Variants in PCDHAC1 observed in about 807,000 individuals in gnomAD.
PCDHAC1 encodes protocadherin alpha subfamily C, 1, also known as protocadherin alpha-C1.
Under a neutral mutation model 60.0 loss-of-function variants are expected in PCDHAC1, and 42 were observed. That is an observed-to-expected ratio of 0.70 (90% CI 0.55 to 0.90). The LOEUF is 0.90. PCDHAC1 is among the 40% of genes least tolerant of loss of function. The pLI, the probability that PCDHAC1 is intolerant of heterozygous loss-of-function variation, is 0.00. For synonymous variants in PCDHAC1, 468 were observed against 499.3 expected (o/e 0.94, Z 0.84); for missense variants, 1,160 against 1,222.3 (o/e 0.95, Z 0.76).
intron 3 of PCDHAC1, among the ~76,000 whole-genome samples, chr5:140,983,328 T>G (rs1214241110): frequency 6.6e-6 from 1 of 152,218 alleles, no homozygotes; most frequent in East Asian, 1.9e-4. Flanking sequence ...ATTCTTGCCC[T>G]ATCACTAAAG....
chr5:140,998,965 G>C (rs1320225650), intron 3 of PCDHAC1, among the ~76,000 whole-genome samples: 1 of 152,232 alleles, frequency 6.6e-6, no homozygotes, highest in Non-Finnish European at 1.5e-5. Context: ...TAATCAAATA[G>C]TATCCTAGAA....
chr5:140,967,555 C>T, intron 1 of PCDHAC1: 4 of 1,614,008 alleles, frequency 2.5e-6, no homozygotes, highest in Non-Finnish European at 3.4e-6. Flanking sequence ...CCACTTATCG[C>T]GTCCAGCTAC....
Position 141,010,907 on chromosome 5 carries a change from C to G in PCDHAC1, c.*970C>G, listed in dbSNP as rs2098418753. 6.5e-6 allele frequency: 1 copy of G among 153,766 alleles called. No individual in the cohort carries two copies. 9.5% of individuals were successfully genotyped at this position (153,766 alleles called of 1,614,324 possible). A position where few individuals can be genotyped will look rare whatever the true frequency, so the allele number is the denominator to read the frequency against. ...GAAATATGAATACAATTCCCCTAAACTCTCCTCAAAAGAGAATTCAGTCTA... is the reference window on the plus strand; with the variant it reads ...GAAATATGAATACAATTCCCCTAAAGTCTCCTCAAAAGAGAATTCAGTCTA... On this transcript the variant is annotated 3_prime_UTR_variant, in exon 4 of 4. Coordinates refer to ENST00000253807, the MANE Select transcript of PCDHAC1 (RefSeq NM_018898.5).
intron 3 of PCDHAC1, among the ~76,000 whole-genome samples, chr5:140,984,467 T>G (rs1358469857): frequency 4.6e-5 from 7 of 152,220 alleles, no homozygotes; most frequent in African/African-American, 1.7e-4. Context: ...CCAGCCCCTC[T>G]TGTATAACCC....
At position 140,928,862 on chromosome 5, in the gene PCDHAC1, G is replaced by A. The variant is rs1554206427; in HGVS notation, c.1970G>A (p.Ser657Asn). The change falls in exon 1 of 4, where the codon AGC becomes AAC. Residue 657 changes from serine to asparagine, a missense_variant. Physicochemically the swap from Ser to Asn is conservative, Grantham distance 46. Transcript: ENST00000253807. Reference protein sequence around the residue: ...SSSVTLGVLLSNSVPQLLPDF... With the variant: ...SSSVTLGVLLNNSVPQLLPDF... ...TCTGTCACTCTGGGTGTGCTGTTGAGCAACTCTGTCCCTCAGTTACTTCCA... is the reference window on the plus strand; with the variant it reads ...TCTGTCACTCTGGGTGTGCTGTTGAACAACTCTGTCCCTCAGTTACTTCCA... The A allele has an allele frequency of 1.2e-6, 2 of 1,614,166 alleles. No individual in the cohort carries two copies. The highest frequency in any genetic ancestry group is 1.7e-5 in the Admixed American group (1 of 60,034).
intron 3 of PCDHAC1, among the ~76,000 whole-genome samples, chr5:141,002,270 G>T (rs1304168184): frequency 6.6e-6 from 1 of 152,172 alleles, no homozygotes; most frequent in Non-Finnish European, 1.5e-5. Context: ...CCCAGAGCTG[G>T]TAACAAAGGG....
chr5:140,988,038 T>C (rs1045669411), intron 3 of PCDHAC1, among the ~76,000 whole-genome samples: 1 of 152,212 alleles, frequency 6.6e-6, no homozygotes, highest in African/African-American at 2.4e-5. Flanking sequence ...TTTTAGAATC[T>C]GTTTAGGAGC....
intron 1 of PCDHAC1, among the ~76,000 whole-genome samples, chr5:140,971,333 G>A (rs1015985935): frequency 6.6e-6 from 1 of 152,194 alleles, no homozygotes. Context: ...AATTATTTCA[G>A]AAAGTGCTTG....
chr5:140,967,379 A>G (rs1554229509), intron 1 of PCDHAC1: 2 of 1,608,268 alleles, frequency 1.2e-6, no homozygotes, highest in East Asian at 2.2e-5. Flanking sequence ...GGAGAACAGT[A>G]AAGTGCTTGA....
intron 3 of PCDHAC1, among the ~76,000 whole-genome samples, chr5:141,008,201 A>T (rs2098364434): frequency 6.6e-6 from 1 of 152,212 alleles, no homozygotes; most frequent in Admixed American, 6.5e-5. Context: ...TAATATAATG[A>T]ACTTGACATG....
chr5:140,951,252 A>G (rs568359458), intron 1 of PCDHAC1, among the ~76,000 whole-genome samples: 1 of 151,856 alleles, frequency 6.6e-6, no homozygotes, highest in African/African-American at 2.4e-5. Context: ...AATGCATCAC[A>G]TTTTTCTGGT....
Position 140,971,209 on chromosome 5 carries a change from C to A in PCDHAC1, c.2434-7740C>A, listed in dbSNP as rs147218200. 2.2e-3 allele frequency among the ~76,000 whole-genome samples: 328 copies of A among 152,236 alleles called. 3 individuals are homozygous for A. Among genetic ancestry groups the A allele is most frequent in the African/African-American group, 7.7e-3 (319 of 41,534 alleles). Reference sequence around the variant, plus strand: ...AAGCTCAGAGGAAAGACACTGTTACCCTCCCTCTCCTGACTCAAAGCTTGG... The same window carrying A: ...AAGCTCAGAGGAAAGACACTGTTACACTCCCTCTCCTGACTCAAAGCTTGG... On this transcript the variant is annotated intron_variant, in intron 1 of 3. Coordinates refer to ENST00000253807, the MANE Select transcript of PCDHAC1 (RefSeq NM_018898.5).
rs2093299605 is a variant in PCDHAC1 at position 140,942,442 on chromosome 5, TA to T, written c.2433+13120del. 4.0e-5 allele frequency among the ~76,000 whole-genome samples: 6 copies of T among 151,626 alleles called. No homozygotes were observed. In the South Asian group the frequency reaches 1.2e-3, roughly 31 times the overall value. ...AAAAAGATATCTAACAATAAACAAG[TA>T]AACTATCAATTATAATACAATCAAA... On this transcript the variant is annotated intron_variant, in intron 1 of 3. Coordinates refer to ENST00000253807, the MANE Select transcript of PCDHAC1 (RefSeq NM_018898.5).
At position 140,929,276 on chromosome 5, in the gene PCDHAC1, G is replaced by A. The variant is rs1554206920; in HGVS notation, c.2384G>A (p.Cys795Tyr). ...TGVGLNLPIS[C>Y]IQIRNRKGDH... ...GTAGGACTGAATTTGCCAATATCCT[G>A]TATTCAGATTCGGAATAGGAAAGGG... Residue 795 changes from cysteine (C) to tyrosine (Y), a missense_variant, in exon 1 of 4, where the codon TGT (cysteine) becomes TAT (tyrosine). Transcript: ENST00000253807. The A allele has an allele frequency of 1.2e-6, 2 of 1,604,822 alleles. No individual in the cohort carries two copies. The highest frequency in any genetic ancestry group is 1.3e-5 in the African/African-American group (1 of 74,692).
intron 2 of PCDHAC1, among the ~76,000 whole-genome samples, chr5:140,980,920 A>T (rs1040099192): frequency 1.3e-5 from 2 of 152,166 alleles, no homozygotes; most frequent in African/African-American, 4.8e-5. Context: ...TCTTTAAAAA[A>T]TTCTGCTTTG....
chr5:141,008,072 T>G (rs1419103459), intron 3 of PCDHAC1, among the ~76,000 whole-genome samples: 3 of 152,154 alleles, frequency 2.0e-5, no homozygotes, highest in African/African-American at 7.2e-5. Context: ...TAAGAACTTA[T>G]TGGGGTTATT....
In PCDHAC1 at chr5:140,927,251, A is replaced by G. The variant is rs782356440; in HGVS notation, c.359A>G (p.Asn120Ser). The G allele has an allele frequency of 7.4e-6, 12 of 1,613,434 alleles. No homozygotes were observed. The Admixed American group carries it at 1.2e-4, about 16-fold the overall frequency. Residue 120 changes from asparagine to serine, a missense_variant, in exon 1 of 4, where the codon AAC (asparagine) becomes AGC (serine). Around this residue, in one of 3 missense-constraint regions of PCDHAC1, gnomAD observed 1,113 missense variants for 1,163.7 expected, o/e 0.96. Transcript: ENST00000253807. The stretch of plus-strand genomic sequence containing the variant: ...ATTCACGTCCTGGACACCAATGACA[A>G]CTCACCTCTCTTTCCTGCCGGCGAC... ...IRIHVLDTND[N>S]SPLFPAGDVQ...
In PCDHAC1 at chr5:140,928,237, C is replaced by T; in HGVS notation, c.1345C>T (p.Gln449Ter). 6.2e-7 allele frequency: 1 copy of T among 1,614,228 alleles called. No individual in the cohort carries two copies. The highest frequency in any genetic ancestry group is 8.5e-7 in the Non-Finnish European group (1 of 1,180,042). ...NDNTPNFPQP[Q>*]QELFVAENNG... is the part of the protein sequence containing the mutation. ...CAATACACCAAACTTTCCTCAACCC[C>T]AGCAGGAACTTTTCGTTGCTGAAAA... The change falls in exon 1 of 4, where the codon CAG becomes TAG. Residue 449 changes from glutamine to a stop codon, truncating the protein, a stop_gained. Coordinates refer to ENST00000253807, the MANE Select transcript of PCDHAC1 (RefSeq NM_018898.5). LOFTEE classifies it high-confidence loss of function.
chr5:140,969,222 C>T (rs782010447), intron 1 of PCDHAC1: 1 of 1,614,154 alleles, frequency 6.2e-7, no homozygotes, highest in Non-Finnish European at 8.5e-7. Flanking sequence ...GGACCAGGGC[C>T]TTCGGGAGCC....
Sources: allele counts gnomAD v4.1 joint callset (sites outside exome capture counted in the v4.1 genomes callset), GRCh38; gene constraint gnomAD v4.1.1; regional missense constraint gnomAD v4.1.1; transcripts MANE v1.5; gene names NCBI Gene and HGNC (gene_info 2026-07-23, HGNC 2026-07-21).